DDX47: variants seen among roughly 807,000 people sequenced by gnomAD.
The protein encoded by DDX47 is DEAD-box helicase 47.
In DDX47, 60 loss-of-function variants were observed where a neutral mutation model predicts 58.8. That is an observed-to-expected ratio of 1.02 (90% confidence interval 0.83 to 1.26). DDX47 has a LOEUF of 1.26. Ranked by LOEUF, DDX47 falls within the 50% of genes most tolerant of loss-of-function variation. The pLI is 0.00. For synonymous variants in DDX47, 197 were observed against 204.6 expected (o/e 0.96, Z 0.32); for missense variants, 530 against 573.2 (o/e 0.92, Z 0.77).
At chr12:12,828,411 G>T (rs1369919917) in intron 11 of DDX47, among the ~76,000 whole-genome samples, 1 of 152,120 alleles carries the variant, frequency 6.6e-6, no homozygotes, top group Non-Finnish European at 1.5e-5. Flanking sequence ...ATATGTATCT[G>T]CAAATATTCT....
At chr12:12,814,109 G>A (rs771883930) in intron 1 of DDX47, 22 bp from the exon 2 acceptor site, 2 of 1,549,670 alleles carry the variant, frequency 1.3e-6, no homozygotes, top group East Asian at 2.2e-5. Flanking sequence ...CTTGGCTAAG[G>A]TATATTTTTC....
chr12:12,822,711 C>G lies in DDX47; in HGVS notation c.612C>G (p.Phe204Leu). 1 of 1,613,994 alleles carries G rather than the reference C, an allele frequency of 6.2e-7. No individual in the cohort carries two copies. Among genetic ancestry groups the G allele is most frequent in the Non-Finnish European group, 8.5e-7 (1 of 1,179,926 alleles). ...CTCGAGATCGGAAAACATTCCTCTT[C>G]TCTGCCACCATGACCAAGAAGGTGA... ...VIPRDRKTFLFSATMTKKVQK... is the reference protein window; with the variant it reads ...VIPRDRKTFLLSATMTKKVQK... The change falls in exon 6 of 12, where the codon TTC becomes TTG. Residue 204 changes from phenylalanine (F) to leucine (L), a missense_variant. Physicochemically the swap from Phe to Leu is conservative, Grantham distance 22. Coordinates refer to ENST00000358007, the MANE Select transcript of DDX47 (RefSeq NM_016355.4).
At chr12:12,826,102 T>G in intron 10 of DDX47, 32 bp downstream of exon 10, 1 of 1,588,104 alleles carries the variant, frequency 6.3e-7, no homozygotes, top group Non-Finnish European at 8.6e-7. Flanking sequence ...CCGAGCAATG[T>G]AGAGAAAAGA....
chr12:12,818,907 C>G (rs1862933156), intron 2 of DDX47, among the ~76,000 whole-genome samples: 1 of 152,184 alleles, frequency 6.6e-6, no homozygotes, highest in Non-Finnish European at 1.5e-5. Flanking sequence ...CTCCATGATT[C>G]AAATTATCTC....
At chr12:12,827,665 G>T (rs1863072645) in intron 11 of DDX47, among the ~76,000 whole-genome samples, 1 of 152,120 alleles carries the variant, frequency 6.6e-6, no homozygotes, top group African/African-American at 2.4e-5. Context: ...ATCCAGCTGT[G>T]AACTGTGTGA....
chr12:12,817,701 C>T lies in DDX47; in HGVS notation c.181+3477C>T, dbSNP rs142682634. The stretch of plus-strand genomic sequence containing the variant: ...TCTGCTCTTATGGAGTTTATGCATT[C>T]TGGTATATTCTCTACAGGTATAAAC... On this transcript the variant is annotated intron_variant, in intron 2 of 11. Transcript: ENST00000358007. 7.2e-3 allele frequency among the ~76,000 whole-genome samples: 1,102 copies of T among 152,292 alleles called. 11 individuals are homozygous for T. Among genetic ancestry groups the T allele is most frequent in the African/African-American group, 0.025 (1,032 of 41,554 alleles).
At chr12:12,826,466 T>G (rs531107049) in intron 10 of DDX47, among the ~76,000 whole-genome samples, 13 of 152,024 alleles carry the variant, frequency 8.6e-5, no homozygotes, top group Non-Finnish European at 1.3e-4. Context: ...TTTTTTTGTA[T>G]TTGTCTCGCT....
Position 12,821,339 on chromosome 12 carries a change from G to C in DDX47, c.313G>C (p.Ala105Pro). 6.2e-7 allele frequency: 1 copy of C among 1,614,238 alleles called. No homozygotes were observed. Among genetic ancestry groups the C allele is most frequent in the Non-Finnish European group, 8.5e-7 (1 of 1,180,042 alleles). The change falls in exon 3 of 12, where the codon GCC becomes CCC. Residue 105 changes from alanine (A) to proline (P), a missense_variant. Ala to Pro is a conservative substitution (Grantham distance 27, BLOSUM62 -1). Transcript: ENST00000358007. ...ALVLTPTRELAFQISEQFEAL... is the reference protein window; with the variant it reads ...ALVLTPTRELPFQISEQFEAL... ...AGTTCTTACCCCGACTCGGGAGCTG[G>C]CCTTTCAGATCTCAGAGCAGTTTGA...
intron 7 of DDX47, chr12:12,823,642 G>A (rs529938930): frequency 8.4e-5 from 48 of 569,240 alleles, no homozygotes; most frequent in African/African-American, 8.0e-4. Flanking sequence ...TTGATATAAG[G>A]ACTTCTCCTG....
intron 7 of DDX47, 109 bp downstream of exon 7, chr12:12,823,428 C>T (rs1016282792): frequency 8.0e-6 from 6 of 748,788 alleles, no homozygotes; most frequent in Admixed American, 4.0e-5. Flanking sequence ...GATTGGCATC[C>T]TGTCTGTTTG....
At chr12:12,822,578 G>T in intron 5 of DDX47, 83 bp from the exon 6 acceptor site, 1 of 1,121,854 alleles carries the variant, frequency 8.9e-7, no homozygotes. Context: ...GTTTGTTAGT[G>T]TCTACCTCCT....
At chr12:12,826,427 G>A (rs1377700734) in intron 10 of DDX47, 1 of 156,890 alleles carries the variant, frequency 6.4e-6, no homozygotes, top group Non-Finnish European at 1.4e-5. Context: ...AATACCTTGA[G>A]GGATTTTCTC....
chr12:12,822,233 T>G (rs968157647), intron 5 of DDX47, 150 bp downstream of exon 5: 6 of 597,974 alleles, frequency 1.0e-5, no homozygotes, highest in African/African-American at 9.4e-5. Flanking sequence ...CAGCACCCTT[T>G]TATCTTTAGA....
chr12:12,821,610 G>C (rs760138465), intron 3 of DDX47, 45 bp from the exon 4 acceptor site: 3 of 1,587,206 alleles, frequency 1.9e-6, no homozygotes, highest in Non-Finnish European at 2.6e-6. Flanking sequence ...GTGGACTGTG[G>C]AAAAAATTAA....
At chr12:12,825,922 C>A in intron 9 of DDX47, 78 bp from the exon 10 acceptor site, 1 of 1,096,218 alleles carries the variant, frequency 9.1e-7, no homozygotes. Context: ...AAAGGTTTTG[C>A]AGCAGGACTT....
Position 12,821,285 on chromosome 12 carries a change from C to A in DDX47, c.259C>A (p.Leu87Met). The A allele has an allele frequency of 6.2e-7, 1 of 1,614,214 alleles. No individual in the cohort carries two copies. Among genetic ancestry groups the A allele is most frequent in the East Asian group, 2.2e-5 (1 of 44,888 alleles). ...TGCTTTGCCCATTCTAAACGCACTGCTGGAGACCCCGCAGCGTTTGTTTGC... is the reference window on the plus strand; with the variant it reads ...TGCTTTGCCCATTCTAAACGCACTGATGGAGACCCCGCAGCGTTTGTTTGC... The part of the protein sequence containing the change: ...AFALPILNAL[L>M]ETPQRLFALV... Residue 87 changes from leucine (L) to methionine (M), a missense_variant, in exon 3 of 12, where the codon CTG becomes ATG. Leu to Met is a conservative substitution (Grantham distance 15). Transcript: ENST00000358007.
Position 12,827,241 on chromosome 12 carries a change from C to G in DDX47, c.1107-5C>G, listed in dbSNP as rs768299027. 6.2e-7 allele frequency: 1 copy of G among 1,612,750 alleles called. No homozygotes were observed. Among genetic ancestry groups the G allele is most frequent in the East Asian group, 2.2e-5 (1 of 44,894 alleles). ...AACCAGAGCTGTGCAGTTTTCCTTCCTCAGGTATGATGTGGAACTCTTCCA... is the reference window on the plus strand; with the variant it reads ...AACCAGAGCTGTGCAGTTTTCCTTCGTCAGGTATGATGTGGAACTCTTCCA... On this transcript the variant is annotated splice_region_variant and splice_polypyrimidine_tract_variant and intron_variant, in intron 10 of 11. Transcript: ENST00000358007.
intron 3 of DDX47, 29 bp downstream of exon 3, chr12:12,821,425 GGTTGCCATCACAA>G: frequency 6.2e-7 from 1 of 1,612,898 alleles, no homozygotes. Flanking sequence ...AGGGATCCTA[GGTTGCCATCACAA>G]GTGAAGAATG....
intron 2 of DDX47, among the ~76,000 whole-genome samples, chr12:12,815,024 G>C (rs972548386): frequency 7.9e-5 from 12 of 152,252 alleles, no homozygotes; most frequent in Admixed American, 3.9e-4. Context: ...CCTGCTCTTA[G>C]ATTCCTAAAG....
Sources: gnomAD v4.1 joint callset for allele counts (sites outside exome capture counted in the v4.1 genomes callset) on GRCh38, gnomAD v4.1.1 for gene constraint, MANE v1.5 for transcripts, NCBI Gene and HGNC (gene_info 2026-07-23, HGNC 2026-07-21) for gene names.